Variants in MAST4 observed in about 807,000 individuals in gnomAD.
MAST4 encodes the protein microtubule associated serine/threonine kinase family member 4.
MAST4 carries 89 observed loss-of-function variants against 162.7 expected under a neutral mutation model. The observed-to-expected ratio is 0.55, with a 90% CI of 0.46 to 0.65. The LOEUF is 0.65. Ranked by LOEUF, MAST4 falls within the 30% of genes least tolerant of loss-of-function variation. The pLI is 0.00. For synonymous variants in MAST4, 1,479 were observed against 1,361.1 expected (o/e 1.09, Z -1.91); for missense variants, 3,153 against 3,374.0 (o/e 0.93, Z 1.62).
At chr5:66,986,465 G>A in intron 4 of MAST4, 2 of 1,573,118 alleles carry the variant, frequency 1.3e-6, no homozygotes, top group East Asian at 2.3e-5. Context: ...CAAATGCTGG[G>A]AGAACATCAC....
intron 1 of MAST4, among the ~76,000 whole-genome samples, chr5:66,640,606 C>G (rs1469195281): frequency 1.3e-5 from 2 of 152,174 alleles, no homozygotes; most frequent in African/African-American, 4.8e-5. Flanking sequence ...CGCGCCCAGC[C>G]CACAATTTCT....
At chr5:66,600,368 C>G (rs1211044981) in intron 1 of MAST4, among the ~76,000 whole-genome samples, 1 of 152,204 alleles carries the variant, frequency 6.6e-6, no homozygotes, top group Non-Finnish European at 1.5e-5. Flanking sequence ...AGGACTGTTC[C>G]CCTGACAACA....
chr5:66,742,744 T>C (rs1752543401), intron 1 of MAST4, among the ~76,000 whole-genome samples: 1 of 152,176 alleles, frequency 6.6e-6, no homozygotes, highest in Non-Finnish European at 1.5e-5. Flanking sequence ...TCTTGTAACC[T>C]ACAGGAGAGT....
chr5:67,085,346 C>T (rs1763121400), intron 5 of MAST4, among the ~76,000 whole-genome samples: 1 of 152,208 alleles, frequency 6.6e-6, no homozygotes, highest in South Asian at 2.1e-4. Flanking sequence ...CCTCCTAACT[C>T]ATCCCCCTGC....
chr5:67,132,413 G>GTT (rs200060931), intron 16 of MAST4, among the ~76,000 whole-genome samples: 2 of 150,798 alleles, frequency 1.3e-5, no homozygotes, highest in African/African-American at 4.9e-5. Context: ...ATTTTTTTAA[G>GTT]TTTTTTTTTC....
At chr5:66,741,024 G>T (rs373168439) in intron 1 of MAST4, among the ~76,000 whole-genome samples, 10 of 152,140 alleles carry the variant, frequency 6.6e-5, no homozygotes, top group Non-Finnish European at 1.3e-4. Context: ...AAGGCTGCTA[G>T]GTTGTGACCA....
chr5:67,070,721 C>T (rs1410644977), intron 5 of MAST4, among the ~76,000 whole-genome samples: 1 of 152,172 alleles, frequency 6.6e-6, no homozygotes. Context: ...CCTGTGTCAA[C>T]AGAAAATCTT....
At chr5:67,017,575 T>C (rs918828508) in intron 4 of MAST4, among the ~76,000 whole-genome samples, 3 of 152,022 alleles carry the variant, frequency 2.0e-5, no homozygotes, top group East Asian at 1.9e-4. Flanking sequence ...AGGAAAGATA[T>C]AGAGTATTTC....
chr5:67,140,939 C>T (rs1447431673), intron 19 of MAST4, among the ~76,000 whole-genome samples: 2 of 152,132 alleles, frequency 1.3e-5, no homozygotes, highest in African/African-American at 4.8e-5. Flanking sequence ...GTAGTTTCCT[C>T]ACTTTGCTGT....
At chr5:67,102,717 T>C (rs746333283) in intron 9 of MAST4, 106 bp downstream of exon 9, 2 of 849,298 alleles carry the variant, frequency 2.4e-6, no homozygotes, top group African/African-American at 1.7e-5. Flanking sequence ...AATCTAGTAA[T>C]GATTTGCATA....
chr5:66,733,556 CA>C (rs1751987472), intron 1 of MAST4, among the ~76,000 whole-genome samples: 1 of 152,086 alleles, frequency 6.6e-6, no homozygotes, highest in Non-Finnish European at 1.5e-5. Context: ...GCCTCGGGTT[CA>C]AGCAATTATC....
chr5:66,922,107 A>G (rs1764578370), intron 4 of MAST4, among the ~76,000 whole-genome samples: 2 of 152,202 alleles, frequency 1.3e-5, no homozygotes, highest in South Asian at 4.1e-4. Flanking sequence ...CTGAAATTTT[A>G]AATGGCTCTA....
intron 4 of MAST4, among the ~76,000 whole-genome samples, chr5:66,921,811 A>G (rs1764559940): frequency 6.6e-6 from 1 of 152,200 alleles, no homozygotes; most frequent in Admixed American, 6.5e-5. Flanking sequence ...TTATCAATGT[A>G]AGACTTGTAA....
chr5:67,046,727 ATATTT>A (rs1757417700), intron 4 of MAST4, among the ~76,000 whole-genome samples: 1 of 152,190 alleles, frequency 6.6e-6, no homozygotes, highest in East Asian at 1.9e-4. Flanking sequence ...AAGGTAATAT[ATATTT>A]TCCTATTGAC....
intron 1 of MAST4, among the ~76,000 whole-genome samples, chr5:66,741,024 G>A (rs373168439): frequency 1.6e-4 from 24 of 152,256 alleles, no homozygotes; most frequent in African/African-American, 5.3e-4. Context: ...AAGGCTGCTA[G>A]GTTGTGACCA....
intron 8 of MAST4, among the ~76,000 whole-genome samples, chr5:67,102,123 G>C (rs569128191): frequency 6.0e-4 from 91 of 151,972 alleles, no homozygotes; most frequent in Middle Eastern, 3.4e-3. Flanking sequence ...TGATAAAAGT[G>C]TGAAATTATA....
intron 3 of MAST4, among the ~76,000 whole-genome samples, chr5:66,816,783 C>T (rs1233938832): frequency 6.6e-6 from 1 of 152,182 alleles, no homozygotes; most frequent in Non-Finnish European, 1.5e-5. Flanking sequence ...TTTCTGCTTC[C>T]ATTAGACTTG....
chr5:66,879,325 T>TA (rs2149899181), intron 3 of MAST4, among the ~76,000 whole-genome samples: 1 of 143,288 alleles, frequency 7.0e-6, no homozygotes, highest in African/African-American at 2.6e-5. Flanking sequence ...TATATATATA[T>TA]TTTATGTGTT....
rs142450010 is a variant in MAST4, at chr5:66,886,079, G to A, written c.643-13872G>A. ...AAGGCCGTATGGAAAGTCGAGGCTG[G>A]CACTCACTTTGGCATGCAGACTCCC... On this transcript the variant is annotated intron_variant, in intron 3 of 28. Coordinates refer to ENST00000403625, the MANE Select transcript of MAST4 (RefSeq NM_001164664.2). 1.6e-3 allele frequency among the ~76,000 whole-genome samples: 247 copies of A among 152,244 alleles called. 2 individuals are homozygous for A. The highest frequency in any genetic ancestry group is 5.8e-3 in the African/African-American group (243 of 41,568).
Sources: gnomAD v4.1 joint callset for allele counts (sites outside exome capture counted in the v4.1 genomes callset) on GRCh38, gnomAD v4.1.1 for gene constraint, MANE v1.5 for transcripts, NCBI Gene and HGNC (gene_info 2026-07-23, HGNC 2026-07-21) for gene names.